The following GTF2IRD2B variants were observed in gnomAD, a reference collection of about 807,000 sequenced individuals.
GTF2IRD2B encodes GTF2I repeat domain containing 2B.
GTF2IRD2B carries 10 observed loss-of-function variants against 55.6 expected under a neutral mutation model. The observed-to-expected ratio is 0.18, with a 90% confidence interval of 0.11 to 0.31. GTF2IRD2B has a LOEUF of 0.31. Ranked by LOEUF, GTF2IRD2B falls within the 10% of genes least tolerant of loss-of-function variation. The probability of loss-of-function intolerance (pLI) is 1.00; values close to 1 mark genes in which losing one functional copy is unlikely to be tolerated. For missense variants in GTF2IRD2B, 206 were observed against 802.7 expected, an observed-to-expected ratio of 0.26 and a Z score of 8.98; for synonymous variants, 107 against 320.5, an observed-to-expected ratio of 0.33 and a Z score of 7.12.
intron 4 of GTF2IRD2B, among the ~76,000 whole-genome samples, chr7:75,121,530 C>G (rs1331445045): frequency 6.7e-6 from 1 of 148,198 alleles, no homozygotes; most frequent in Non-Finnish European, 1.5e-5. Context: ...ACAATCTCAG[C>G]TCACTGTAAA....
chr7:75,104,289 A>G (rs1439417730), intron 1 of GTF2IRD2B, among the ~76,000 whole-genome samples: 5 of 151,854 alleles, frequency 3.3e-5, no homozygotes, highest in Non-Finnish European at 7.4e-5. Flanking sequence ...TGCCCAGCTA[A>G]TTTTTAGTAG....
chr7:75,105,070 A>G (rs1563090463), intron 1 of GTF2IRD2B, among the ~76,000 whole-genome samples: 534 of 152,354 alleles, frequency 3.5e-3, no homozygotes, highest in Non-Finnish European at 6.4e-3. Flanking sequence ...GGTGGCATGC[A>G]CCTGTAGTCC....
intron 1 of GTF2IRD2B, among the ~76,000 whole-genome samples, chr7:75,103,523 C>T (rs1554449779): frequency 6.7e-6 from 1 of 149,840 alleles, no homozygotes; most frequent in Admixed American, 6.7e-5. Flanking sequence ...GGAGCCGTCC[C>T]CAAGTGAAGG....
chr7:75,096,516 G>A (rs1305136508), intron 1 of GTF2IRD2B, among the ~76,000 whole-genome samples: 51 of 90,324 alleles, frequency 5.6e-4, no homozygotes, highest in African/African-American at 1.8e-3. Flanking sequence ...TCCGCCTCCC[G>A]GGTTCAAGCA....
intron 1 of GTF2IRD2B, among the ~76,000 whole-genome samples, chr7:75,103,688 G>A (rs1196898965): frequency 6.6e-6 from 1 of 151,252 alleles, no homozygotes; most frequent in Non-Finnish European, 1.5e-5. Flanking sequence ...GCCGTCCCCA[G>A]GGTGCCTTCC....
intron 1 of GTF2IRD2B, among the ~76,000 whole-genome samples, chr7:75,093,027 T>C (rs1248726665): frequency 6.6e-6 from 1 of 152,304 alleles, no homozygotes; most frequent in Non-Finnish European, 1.5e-5. Flanking sequence ...CACATCCCTC[T>C]CCTTCCTGAT....
chr7:75,135,291 G>A (rs587624669), intron 10 of GTF2IRD2B, among the ~76,000 whole-genome samples: 5 of 150,974 alleles, frequency 3.3e-5, no homozygotes, highest in East Asian at 1.9e-4. Flanking sequence ...GTACCACCAC[G>A]CCCGGCTAAT....
At chr7:75,102,025 C>T (rs1554421952) in intron 1 of GTF2IRD2B, among the ~76,000 whole-genome samples, 20 of 150,900 alleles carry the variant, frequency 1.3e-4, no homozygotes, top group African/African-American at 2.4e-4. Flanking sequence ...TTTTGTGAGA[C>T]GGAGTCTCAC....
At chr7:75,104,377 C>T (rs2115692840) in intron 1 of GTF2IRD2B, among the ~76,000 whole-genome samples, 1 of 152,366 alleles carries the variant, frequency 6.6e-6, no homozygotes, top group African/African-American at 2.4e-5. Flanking sequence ...CCTCAGCCTC[C>T]AAAAGTGTTG....
At chr7:75,103,148 G>A (rs7804869) in intron 1 of GTF2IRD2B, among the ~76,000 whole-genome samples, 2,099 of 151,074 alleles carry the variant, frequency 0.014, no homozygotes, top group African/African-American at 0.048. Context: ...GCCCGGTGGC[G>A]GGTGCCTATA....
chr7:75,112,685 G>A (rs1337434327), intron 3 of GTF2IRD2B, 150 bp downstream of exon 3: 3 of 1,591,136 alleles, frequency 1.9e-6, no homozygotes, highest in Non-Finnish European at 2.6e-6. Context: ...AATAAATACT[G>A]CCTAACACTG....
At chr7:75,127,012 C>G (rs797024610) in intron 8 of GTF2IRD2B, among the ~76,000 whole-genome samples, 2 of 70,632 alleles carry the variant, frequency 2.8e-5, no homozygotes, top group African/African-American at 6.9e-5. Flanking sequence ...AAAACAAAAA[C>G]AAAAACAAAA....
At chr7:75,103,884 T>C (rs1282851167) in intron 1 of GTF2IRD2B, among the ~76,000 whole-genome samples, 5 of 143,072 alleles carry the variant, frequency 3.5e-5, no homozygotes, top group Non-Finnish European at 7.7e-5. Context: ...TACAAAAAAT[T>C]AGCTGGGCAT....
At chr7:75,106,928 A>G (rs2115710100) in intron 1 of GTF2IRD2B, among the ~76,000 whole-genome samples, 1 of 149,344 alleles carries the variant, frequency 6.7e-6, no homozygotes, top group East Asian at 2.0e-4. Flanking sequence ...CTGTCTCTAA[A>G]AACAAAACAA....
intron 1 of GTF2IRD2B, among the ~76,000 whole-genome samples, chr7:75,103,338 A>G (rs1387649223): frequency 6.6e-6 from 1 of 151,384 alleles, no homozygotes; most frequent in Non-Finnish European, 1.5e-5. Flanking sequence ...TTCAATAGAC[A>G]AGATGCCTGA....
At chr7:75,107,005 C>T (rs1242578796) in intron 1 of GTF2IRD2B, among the ~76,000 whole-genome samples, 4 of 151,586 alleles carry the variant, frequency 2.6e-5, no homozygotes, top group Admixed American at 2.0e-4. Flanking sequence ...GACAGAAGTC[C>T]GAAGGGAAGT....
At position 75,149,349 on chromosome 7, in the gene GTF2IRD2B, T is replaced by A. The variant is rs1554454741; in HGVS notation, c.*52T>A. Reference sequence around the variant, plus strand: ...TATGGTGGGAAAGGCTGGAGTCTTCTAGTCCCAAGGGATTGGGAGATGACA... The same window carrying A: ...TATGGTGGGAAAGGCTGGAGTCTTCAAGTCCCAAGGGATTGGGAGATGACA... On this transcript the variant is annotated 3_prime_UTR_variant, in exon 16 of 16. Coordinates refer to ENST00000472837, the MANE Select transcript of GTF2IRD2B (RefSeq NM_001003795.3). 1 of 768,870 alleles carries A rather than the reference T, an allele frequency of 1.3e-6. No homozygotes were observed. Among genetic ancestry groups the A allele is most frequent in the Non-Finnish European group, 2.4e-6 (1 of 415,502 alleles). The allele number at this position is 768,870 out of a possible 1,614,324, so 47.6% of individuals were successfully genotyped here.
intron 12 of GTF2IRD2B, among the ~76,000 whole-genome samples, chr7:75,139,620 T>C (rs78860089): frequency 0.018 from 1,701 of 94,956 alleles, 18 homozygotes; most frequent in African/African-American, 0.027. Context: ...GGCGACAGAG[T>C]GAGACTCTGT....
Position 75,143,959 on chromosome 7 carries a change from A to AG in GTF2IRD2B, c.1230dup (p.Leu411AlafsTer2). The AG allele has an allele frequency of 2.4e-6, 1 of 410,108 alleles. No homozygotes were observed. Among genetic ancestry groups the AG allele is most frequent in the Non-Finnish European group, 4.3e-6 (1 of 232,684 alleles). 25.4% of individuals were successfully genotyped at this position (410,108 alleles called of 1,614,324 possible). A position where few individuals can be genotyped will look rare whatever the true frequency, so the allele number is the denominator to read the frequency against. On this transcript the variant is annotated frameshift_variant, in exon 15 of 16. Transcript: ENST00000472837. LOFTEE classifies it high-confidence loss of function. Reference sequence around the variant, plus strand: ...GTGTCTTTCTCTTCAGGCCGCTTCCAGGGCTTGAGCTCAGTAATGGTGAGT... The same window carrying AG: ...GTGTCTTTCTCTTCAGGCCGCTTCCAGGGGCTTGAGCTCAGTAATGGTGAGT...
Sources: allele counts gnomAD v4.1 joint callset (sites outside exome capture counted in the v4.1 genomes callset), GRCh38; gene constraint gnomAD v4.1.1; transcripts MANE v1.5; gene names NCBI Gene and HGNC (gene_info 2026-07-23, HGNC 2026-07-21).